Variants in DIP2B observed in about 807,000 individuals in gnomAD.
The protein encoded by DIP2B is disco-interacting protein 2 homolog B.
In DIP2B, 76 loss-of-function variants were observed where a neutral mutation model predicts 198.0. The ratio of observed to expected loss-of-function variants is 0.38; its 90% CI spans 0.32 to 0.46. The LOEUF is 0.46. Ranked by LOEUF, DIP2B falls within the 20% of genes least tolerant of loss-of-function variation. DIP2B has a pLI of 0.99. For synonymous variants in DIP2B, 701 were observed against 739.1 expected, an observed-to-expected ratio of 0.95 and a Z score of 0.84; for missense variants, 1,559 against 1,978.4, an observed-to-expected ratio of 0.79 and a Z score of 4.02.
intron 17 of DIP2B, among the ~76,000 whole-genome samples, chr12:50,697,533 CT>C (rs11306905): frequency 0.16 from 7,141 of 44,704 alleles, 136 homozygotes; most frequent in Admixed American, 0.19. Context: ...TATAGATATA[CT>C]TTTTTTTTTT....
chr12:50,638,450 T>G (rs1938196485), intron 2 of DIP2B, among the ~76,000 whole-genome samples: 1 of 152,260 alleles, frequency 6.6e-6, no homozygotes, highest in Non-Finnish European at 1.5e-5. Context: ...TTGTGTTCTT[T>G]TATCACTTGG....
At position 50,732,413 on chromosome 12, in the gene DIP2B, G is replaced by T. The variant is rs549249246; in HGVS notation, c.3858G>T (p.Ala1286=). The T allele has an allele frequency of 6.2e-7, 1 of 1,614,198 alleles. No individual in the cohort carries two copies. The highest frequency in any genetic ancestry group is 8.5e-7 in the Non-Finnish European group (1 of 1,180,032). ...GCGTCCGGACCTGTGTGGTGGTGGC[G>T]GAGGAGAGGCCCCGCGTTGCACTCC... The part of the protein sequence containing the change: ...LSCVRTCVVV[A]EERPRVALQQ... Residue 1286 remains alanine (A), a synonymous_variant, in exon 32 of 38, where the codon GCG becomes GCT. Coordinates refer to ENST00000301180, the MANE Select transcript of DIP2B (RefSeq NM_173602.3).
At chr12:50,533,495 TGA>T (rs1214083047) in intron 1 of DIP2B, among the ~76,000 whole-genome samples, 10 of 152,174 alleles carry the variant, frequency 6.6e-5, no homozygotes, top group African/African-American at 2.4e-4. Context: ...CTCTGTAAAG[TGA>T]GCAGAGGATC....
At chr12:50,567,789 A>G (rs577910174) in intron 1 of DIP2B, among the ~76,000 whole-genome samples, 1 of 152,282 alleles carries the variant, frequency 6.6e-6, no homozygotes, top group Non-Finnish European at 1.5e-5. Context: ...TGGCTTCCCA[A>G]AGTGCTGGGA....
intron 13 of DIP2B, among the ~76,000 whole-genome samples, chr12:50,691,493 C>G (rs2139548421): frequency 6.6e-6 from 1 of 152,296 alleles, no homozygotes; most frequent in Middle Eastern, 3.4e-3. Flanking sequence ...CAAAGAAATT[C>G]AGCTACCAAA....
rs1375040437 is a variant in DIP2B at position 50,746,385 on chromosome 12, G to A, written c.*1546G>A. 1 of 152,110 alleles carries A rather than the reference G, an allele frequency of 6.6e-6. No homozygotes were observed. The highest frequency in any genetic ancestry group is 1.5e-5 in the Non-Finnish European group (1 of 68,012). The allele number at this position is 152,110 out of a possible 1,614,324, so 9.4% of individuals were successfully genotyped here. On this transcript the variant is annotated 3_prime_UTR_variant, in exon 38 of 38. Coordinates refer to ENST00000301180, the MANE Select transcript of DIP2B (RefSeq NM_173602.3). ...ATTATTTACCCCACTGTAACATCAT[G>A]TAAACTAAGTATGTTTTTAAACAAT...
intron 1 of DIP2B, among the ~76,000 whole-genome samples, chr12:50,586,045 A>G (rs554425456): frequency 1.3e-5 from 2 of 152,334 alleles, no homozygotes; most frequent in East Asian, 3.8e-4. Flanking sequence ...CTGAGAACTC[A>G]TGCGTCCTAG....
chr12:50,525,282 C>T lies in DIP2B; in HGVS notation c.100+20042C>T, dbSNP rs1390087955. Among the ~76,000 whole-genome samples the T allele has an allele frequency of 7.3e-5, 11 of 150,774 alleles. No homozygotes were observed. In the South Asian group the frequency reaches 1.3e-3, roughly 17 times the overall value. ...CTGAGGCAGGAGAATGGCGTGAACC[C>T]GGGAGGCGGAGCTTGCAGTGAGCCG... On this transcript the variant is annotated intron_variant, in intron 1 of 37. Transcript: ENST00000301180.
At chr12:50,650,588 C>G (rs60908906) in intron 3 of DIP2B, among the ~76,000 whole-genome samples, 10,612 of 152,236 alleles carry the variant, frequency 0.07, 747 homozygotes, top group East Asian at 0.32. Flanking sequence ...GCTTATTTTA[C>G]TCTGCACAGT....
At chr12:50,578,423 A>G (rs1255051892) in intron 1 of DIP2B, among the ~76,000 whole-genome samples, 1 of 151,924 alleles carries the variant, frequency 6.6e-6, no homozygotes, top group Non-Finnish European at 1.5e-5. Context: ...CTAAATTTTG[A>G]CATATTTCAT....
In DIP2B at chr12:50,619,035, C is replaced by T. The variant is rs145578655; in HGVS notation, c.101-6941C>T. 2.4e-4 allele frequency among the ~76,000 whole-genome samples: 36 copies of T among 152,092 alleles called. No individual in the cohort carries two copies. The East Asian group carries it at 6.6e-3, about 28-fold the overall frequency. On this transcript the variant is annotated intron_variant, in intron 1 of 37. Coordinates refer to ENST00000301180, the MANE Select transcript of DIP2B (RefSeq NM_173602.3). ...ATGCTTTTCTTTCCTTCCCAAAGTCCCCCCACCCTCTATCACCACCCCTGA... is the reference window on the plus strand; with the variant it reads ...ATGCTTTTCTTTCCTTCCCAAAGTCTCCCCACCCTCTATCACCACCCCTGA...
intron 1 of DIP2B, among the ~76,000 whole-genome samples, chr12:50,513,901 C>A (rs1057245856): frequency 6.7e-6 from 1 of 150,182 alleles, no homozygotes; most frequent in South Asian, 2.1e-4. Context: ...TGTTCTTGAT[C>A]TTCTTTTCCC....
chr12:50,513,873 C>CA (rs58479646), intron 1 of DIP2B, among the ~76,000 whole-genome samples: 80,525 of 126,832 alleles, frequency 0.63, 24,789 homozygotes, highest in East Asian at 0.85. Context: ...GACTCCGTCT[C>CA]AAAAAAAAAA....
chr12:50,567,550 T>C (rs1958576842), intron 1 of DIP2B, among the ~76,000 whole-genome samples: 1 of 152,104 alleles, frequency 6.6e-6, no homozygotes, highest in Admixed American at 6.6e-5. Flanking sequence ...TATTTTGAGA[T>C]GGAGTCTTGC....
chr12:50,589,001 G>A (rs1285128713), intron 1 of DIP2B, among the ~76,000 whole-genome samples: 5 of 151,680 alleles, frequency 3.3e-5, no homozygotes, highest in East Asian at 3.9e-4. Flanking sequence ...TGGCTAACAC[G>A]GTGAAACCCT....
chr12:50,733,063 G>A (rs1405819979), intron 32 of DIP2B, among the ~76,000 whole-genome samples: 1 of 151,638 alleles, frequency 6.6e-6, no homozygotes. Flanking sequence ...GTACCACCAC[G>A]CCCGGCTATT....
chr12:50,675,357 A>G lies in DIP2B; in HGVS notation c.825A>G (p.Thr275=). Residue 275 remains threonine, a synonymous_variant, in exon 7 of 38, where the codon ACA becomes ACG. Transcript: ENST00000301180. ...DGVPVSSRVS[T]KIQQLLNTLK... ...TTCCTGTCAGTAGCAGAGTATCTAC[A>G]AAAATCCAGCAGCTTCTGAACACTC... The G allele has an allele frequency of 6.2e-7, 1 of 1,613,374 alleles. No individual in the cohort carries two copies. Among genetic ancestry groups the G allele is most frequent in the Non-Finnish European group, 8.5e-7 (1 of 1,179,480 alleles).
chr12:50,592,823 T>C (rs1327840238), intron 1 of DIP2B, among the ~76,000 whole-genome samples: 2 of 152,190 alleles, frequency 1.3e-5, no homozygotes, highest in African/African-American at 4.8e-5. Context: ...ATGATGCTTT[T>C]TTATAAGATC....
chr12:50,716,683 C>G (rs185473066), intron 23 of DIP2B, among the ~76,000 whole-genome samples: 100 of 152,254 alleles, frequency 6.6e-4, no homozygotes, highest in African/African-American at 2.0e-3. Flanking sequence ...TATTCAGGAT[C>G]AACAGATTTT....
Sources: gnomAD v4.1 joint callset for allele counts (sites outside exome capture counted in the v4.1 genomes callset) on GRCh38, gnomAD v4.1.1 for gene constraint, MANE v1.5 for transcripts, NCBI Gene and HGNC (gene_info 2026-07-23, HGNC 2026-07-21) for gene names.